The following IGSF1 variants were observed in gnomAD, a reference collection of about 807,000 sequenced individuals.
IGSF1 encodes immunoglobulin superfamily member 1.
In IGSF1, 40 loss-of-function variants were observed where a neutral mutation model predicts 95.3. That is an observed-to-expected ratio of 0.42 (90% CI 0.33 to 0.55). The LOEUF is 0.55. Among genes scored for constraint, IGSF1 ranks in the 20% least tolerant of loss-of-function variants. The pLI is 0.10. For synonymous variants in IGSF1, 372 were observed against 382.9 expected (o/e 0.97, Z 0.33); for missense variants, 906 against 1,025.4 (o/e 0.88, Z 1.59).
At position 131,281,751 on chromosome X, in the gene IGSF1, C is replaced by G. The variant is rs200676597; in HGVS notation, c.1440G>C (p.Gly480=). 1.9e-5 allele frequency: 23 copies of G among 1,208,575 alleles called. No individual in the cohort carries two copies. The Admixed American group carries it at 5.0e-4, about 26-fold the overall frequency. Residue 480 remains glycine (G), a synonymous_variant, in exon 8 of 20, where the codon GGG becomes GGC. Transcript: ENST00000361420. ...CTACGCGATAGCTGCAACTGTAGGT[C>G]CCTGTGCCTTTCCCGTCAACATTAC... ...IISNVDGKGT[G]TYSCSYRVET... is the part of the protein sequence containing the mutation.
intron 8 of IGSF1, 68 bp downstream of exon 8, chrX:131,281,598 C>T: frequency 9.0e-7 from 1 of 1,110,570 alleles, no homozygotes. Context: ...TTTCCCATAT[C>T]TTTCTGGGCA....
Position 131,282,641 on chromosome X carries a change from A to T in IGSF1, c.1049T>A (p.Val350Glu). The T allele has an allele frequency of 8.3e-7, 1 of 1,208,974 alleles. No homozygotes were observed. The highest frequency in any genetic ancestry group is 1.1e-6 in the Non-Finnish European group (1 of 893,400). ...TCCTTTCTTATAGAGTGCAAGACCC[A>T]CTCCATCCACTGGTCCTCGACACCG... Reference protein sequence around the residue: ...SLRCRGPVDGVGLALYKKGED... With the variant: ...SLRCRGPVDGEGLALYKKGED... The change falls in exon 7 of 20, where the codon GTG (valine) becomes GAG (glutamate). Residue 350 changes from valine (V) to glutamate (E), a missense_variant. By Grantham distance (121) the Val-to-Glu change is moderately radical. This residue lies in a region of IGSF1 where 442 missense variants were observed against 448.1 expected (regional missense o/e 0.99). Coordinates refer to ENST00000361420, the MANE Select transcript of IGSF1 (RefSeq NM_001555.5).
At chrX:131,285,075 G>T (rs781081605) in intron 5 of IGSF1, 104 bp downstream of exon 5, 15 of 1,122,034 alleles carry the variant, frequency 1.3e-5, no homozygotes, top group Non-Finnish European at 1.8e-5. Context: ...GCCTTGCAGG[G>T]CCTAGAAACT....
chrX:131,278,186 A>G (rs1195150186), intron 12 of IGSF1, 52 bp from the exon 13 acceptor site: 2 of 1,115,600 alleles, frequency 1.8e-6, no homozygotes, highest in South Asian at 2.0e-5. Flanking sequence ...AGTTGCCCAG[A>G]TGGGATACTC....
intron 6 of IGSF1, 78 bp from the exon 7 acceptor site, chrX:131,282,815 T>C: frequency 9.7e-7 from 1 of 1,030,026 alleles, no homozygotes; most frequent in Non-Finnish European, 1.3e-6. Context: ...TTCCTTCTCT[T>C]CCTCCAAACC....
chrX:131,274,286 C>T (rs946910690), intron 18 of IGSF1, 80 bp from the exon 19 acceptor site: 1 of 1,135,123 alleles, frequency 8.8e-7, no homozygotes, highest in Non-Finnish European at 1.2e-6. Context: ...TTGCCCCACA[C>T]TCTGGCCTTC....
chrX:131,275,814 T>C, intron 15 of IGSF1, 49 bp from the exon 16 acceptor site: 1 of 1,170,682 alleles, frequency 8.5e-7, no homozygotes, highest in Middle Eastern at 2.5e-4. Context: ...AACTTATGAG[T>C]TCCTGCTTAA....
In IGSF1 at chrX:131,281,333, G is replaced by C. The variant is rs756120260; in HGVS notation, c.1531C>G (p.Leu511Val). Residue 511 changes from leucine to valine, a missense_variant, in exon 9 of 20, where the codon CTC becomes GTC. This residue lies in a region of IGSF1 where 442 missense variants were observed against 448.1 expected (regional missense o/e 0.99). Transcript: ENST00000361420. ...TCATTCAGAACGTAATTCCAGGTGA[G>C]ATAGCCTGTGGCCAGAGAAGACCAG... ...PLKLMGPAGY[L>V]TWNYVLNEAI... 26 of 1,211,481 alleles carry C rather than the reference G, an allele frequency of 2.1e-5. No homozygotes were observed. The highest frequency in any genetic ancestry group is 2.8e-5 in the Non-Finnish European group (25 of 895,152).
At chrX:131,279,227 A>G in intron 10 of IGSF1, 44 bp downstream of exon 10, 1 of 1,207,860 alleles carries the variant, frequency 8.3e-7, no homozygotes, top group Non-Finnish European at 1.1e-6. Context: ...CCGGGACTTC[A>G]CCCCGGCCTT....
rs769235383 is a variant in IGSF1, at chrX:131,278,448, T to G, written c.2041+13A>C. 10 of 1,171,299 alleles carry G rather than the reference T, an allele frequency of 8.5e-6. No individual in the cohort carries two copies. The highest frequency in any genetic ancestry group is 1.0e-5 in the Non-Finnish European group (9 of 872,209). On this transcript the variant is annotated intron_variant, in intron 12 of 19. Coordinates refer to ENST00000361420, the MANE Select transcript of IGSF1 (RefSeq NM_001555.5). ...CTGGGGATAACTCCCGGAGACCCTC[T>G]ACATTTTCTTACCTGTCCCCACCAG...
intron 19 of IGSF1, 56 bp downstream of exon 19, chrX:131,274,027 G>T (rs879165868): frequency 1.7e-6 from 2 of 1,208,654 alleles, no homozygotes; most frequent in South Asian, 3.5e-5. Context: ...TTGTATGATT[G>T]TTTTTCTAGC....
chrX:131,284,448 T>C (rs1313741879), intron 5 of IGSF1: 9 of 679,650 alleles, frequency 1.3e-5, no homozygotes, highest in Non-Finnish European at 1.6e-5. Context: ...TTACTGCTTC[T>C]AAGTCTAGGG....
Position 131,277,172 on chromosome X carries a change from C to G in IGSF1, c.2375G>C (p.Gly792Ala), listed in dbSNP as rs1419054927. Residue 792 changes from glycine to alanine, a missense_variant, in exon 14 of 20, where the codon GGT (glycine) becomes GCT (alanine). Gly to Ala is a moderately conservative substitution (Grantham distance 60). Around this residue, in one of 5 missense-constraint regions of IGSF1, gnomAD observed 411 missense variants for 494.9 expected, o/e 0.83. Transcript: ENST00000361420. ...KTWASPVVTP[G>A]ARVTFNCSTP... ...GGAGCAATTGAAAGTCACTCGGGCA[C>G]CAGGGGTGACCACAGGGCTGGCCCA... 1 of 1,208,792 alleles carries G rather than the reference C, an allele frequency of 8.3e-7. No homozygotes were observed. Among genetic ancestry groups the G allele is most frequent in the East Asian group, 3.0e-5 (1 of 33,773 alleles).
intron 1 of IGSF1, among the ~76,000 whole-genome samples, chrX:131,287,770 C>G (rs189498659): frequency 9.0e-6 from 1 of 111,156 alleles, no homozygotes; most frequent in Non-Finnish European, 1.9e-5. Context: ...AGCTTTCATG[C>G]CTCTCTCCAC....
rs763878337 is a variant in IGSF1 at position 131,285,898 on chromosome X, G to A, written c.248C>T (p.Ser83Phe). The A allele has an allele frequency of 9.1e-6, 11 of 1,209,705 alleles. No homozygotes were observed. The highest frequency in any genetic ancestry group is 6.6e-5 in the Admixed American group (3 of 45,755). Residue 83 changes from serine to phenylalanine, a missense_variant, in exon 4 of 20, where the codon TCC becomes TTC. By Grantham distance (155) the Ser-to-Phe change is radical (BLOSUM62 -2). Around this residue, in one of 5 missense-constraint regions of IGSF1, gnomAD observed 442 missense variants for 448.1 expected, o/e 0.99. Transcript: ENST00000361420. ...DKTQMTWIRP[S>F]HKTFQVSFLI... is the part of the protein sequence containing the mutation. ...GAATGAAACTTGGAAGGTCTTGTGGGAAGGGCGGATCCAGGTCATCTGTGT... is the reference window on the plus strand; with the variant it reads ...GAATGAAACTTGGAAGGTCTTGTGGAAAGGGCGGATCCAGGTCATCTGTGT...
At chrX:131,279,787 G>A (rs1340849764) in intron 9 of IGSF1, among the ~76,000 whole-genome samples, 4 of 111,825 alleles carry the variant, frequency 3.6e-5, no homozygotes, top group Non-Finnish European at 7.5e-5. Flanking sequence ...GGAAGCAGTT[G>A]TTGTGGCAGT....
At chrX:131,274,338 G>C in intron 18 of IGSF1, 132 bp from the exon 19 acceptor site, 4 of 882,385 alleles carry the variant, frequency 4.5e-6, no homozygotes, top group Non-Finnish European at 4.7e-6. Context: ...ACTACAGAGG[G>C]GGTGGGCAGT....
intron 13 of IGSF1, 115 bp downstream of exon 13, chrX:131,277,741 C>G: frequency 1.2e-6 from 1 of 849,594 alleles, no homozygotes; most frequent in South Asian, 2.5e-5. Flanking sequence ...TAAGATTGGA[C>G]ACAGGCTCTC....
Position 131,273,741 on chromosome X carries a change from T to C in IGSF1, c.*55A>G. 2 of 1,131,595 alleles carry C rather than the reference T, an allele frequency of 1.8e-6. No individual in the cohort carries two copies. Among genetic ancestry groups the C allele is most frequent in the South Asian group, 2.0e-5 (1 of 49,806 alleles). The allele number at this position is 1,131,595 out of a possible 1,213,427, so 93.3% of individuals were successfully genotyped here. A position where few individuals can be genotyped will look rare whatever the true frequency, so the allele number is the denominator to read the frequency against. On this transcript the variant is annotated 3_prime_UTR_variant, in exon 20 of 20. Transcript: ENST00000361420. ...CTTGCAGGGTAACTGGTTGGATTTA[T>C]AGGTCTCTGAGAGCAAGAGAGAGGA...
Sources: gnomAD v4.1 joint callset for allele counts (sites outside exome capture counted in the v4.1 genomes callset) on GRCh38, gnomAD v4.1.1 for gene constraint, gnomAD v4.1.1 regional missense constraint, MANE v1.5 for transcripts, NCBI Gene and HGNC (gene_info 2026-07-23, HGNC 2026-07-21) for gene names.